Variants in TC2N observed in about 807,000 individuals in gnomAD.
TC2N encodes the protein tandem C2 domains nuclear protein.
In TC2N, 51 loss-of-function variants were observed where a neutral mutation model predicts 61.9. The ratio of observed to expected loss-of-function variants is 0.82; its 90% CI spans 0.66 to 1.04. The LOEUF (loss-of-function observed/expected upper bound fraction) is 1.04, where lower values mean the gene tolerates loss of function less well. TC2N is among the 50% of genes least tolerant of loss of function. The probability of loss-of-function intolerance (pLI) is 0.00; values close to 1 mark genes in which losing one functional copy is unlikely to be tolerated. For missense variants in TC2N, 556 were observed against 566.7 expected (o/e 0.98, Z 0.19); for synonymous variants, 204 against 192.6 (o/e 1.06, Z -0.49).
intron 1 of TC2N, among the ~76,000 whole-genome samples, chr14:91,819,198 T>C (rs1397505922): frequency 6.6e-6 from 1 of 152,068 alleles, no homozygotes; most frequent in Non-Finnish European, 1.5e-5. Flanking sequence ...AGCATGGTGG[T>C]GTGTGCTTGT....
intron 1 of TC2N, among the ~76,000 whole-genome samples, chr14:91,823,477 G>A (rs1272453274): frequency 2.7e-5 from 4 of 150,236 alleles, no homozygotes; most frequent in South Asian, 2.1e-4. Flanking sequence ...CCGAGATCAC[G>A]CCATTGCACT....
chr14:91,853,952 G>A (rs1049172730), intron 1 of TC2N, among the ~76,000 whole-genome samples: 7 of 151,732 alleles, frequency 4.6e-5, no homozygotes, highest in African/African-American at 7.3e-5. Flanking sequence ...CAAAATATTC[G>A]TGTAACCTAG....
chr14:91,859,859 G>A (rs1888556359), intron 1 of TC2N, among the ~76,000 whole-genome samples: 1 of 152,202 alleles, frequency 6.6e-6, no homozygotes, highest in South Asian at 2.1e-4. Context: ...GAGTACATAA[G>A]CCATTCTGGT....
chr14:91,825,026 C>CTTT (rs5810554), intron 1 of TC2N, among the ~76,000 whole-genome samples: 1 of 66,858 alleles, frequency 1.5e-5, no homozygotes, highest in African/African-American at 6.1e-5. Context: ...TTTTTCTTTT[C>CTTT]TTTTTTTTTT....
chr14:91,806,030 T>C (rs539117526), intron 3 of TC2N, among the ~76,000 whole-genome samples: 8 of 152,272 alleles, frequency 5.3e-5, no homozygotes, highest in Admixed American at 3.3e-4. Context: ...CAGACTGTAC[T>C]TGTGGTAGTG....
Position 91,825,544 on chromosome 14 carries a change from T to C in TC2N, c.-56-11719A>G, listed in dbSNP as rs78196484. 3.5e-3 allele frequency among the ~76,000 whole-genome samples: 538 copies of C among 152,266 alleles called. 2 individuals are homozygous for C. Among genetic ancestry groups the C allele is most frequent in the African/African-American group, 0.012 (497 of 41,546 alleles). Reference sequence around the variant, plus strand: ...ATAAAATTTATTCTGCTAAATACAATATGTGACCCTTCTCTTGCTCATCTT... The same window carrying C: ...ATAAAATTTATTCTGCTAAATACAACATGTGACCCTTCTCTTGCTCATCTT... On this transcript the variant is annotated intron_variant, in intron 1 of 11. Transcript: ENST00000435962.
At chr14:91,863,420 G>C (rs1262124873) in intron 1 of TC2N, among the ~76,000 whole-genome samples, 2 of 152,172 alleles carry the variant, frequency 1.3e-5, no homozygotes, top group African/African-American at 4.8e-5. Flanking sequence ...TATAAGCAAG[G>C]GTTTCTAAAG....
chr14:91,786,644 C>T lies in TC2N; in HGVS notation c.1162+869G>A, dbSNP rs954790297. On this transcript the variant is annotated intron_variant, in intron 10 of 11. Coordinates refer to ENST00000435962, the MANE Select transcript of TC2N (RefSeq NM_001128596.3). Reference sequence around the variant, plus strand: ...ATTTTACATAGATACCCAAATAAATCGGTATAGCTATATATGGTATTGCTT... The same window carrying T: ...ATTTTACATAGATACCCAAATAAATTGGTATAGCTATATATGGTATTGCTT... Among the ~76,000 whole-genome samples, 11 of 152,216 alleles carry T rather than the reference C, an allele frequency of 7.2e-5. 1 individual carries two copies. The highest frequency in any genetic ancestry group is 3.3e-4 in the Admixed American group (5 of 15,286).
chr14:91,781,054 T>C lies in TC2N; in HGVS notation c.*2046A>G, dbSNP rs1056859931. 6.6e-6 allele frequency: 1 copy of C among 152,042 alleles called. No homozygotes were observed. Among genetic ancestry groups the C allele is most frequent in the Admixed American group, 6.5e-5 (1 of 15,272 alleles). The allele number at this position is 152,042 out of a possible 1,614,324, so 9.4% of individuals were successfully genotyped here. ...CCTTAAATTATACATCATACATACATTGTAAGAATATAGAAAATTAAATAA... is the reference window on the plus strand; with the variant it reads ...CCTTAAATTATACATCATACATACACTGTAAGAATATAGAAAATTAAATAA... On this transcript the variant is annotated 3_prime_UTR_variant, in exon 12 of 12. Transcript: ENST00000435962.
At chr14:91,791,600 A>G (rs1445790881) in intron 9 of TC2N, among the ~76,000 whole-genome samples, 2 of 152,150 alleles carry the variant, frequency 1.3e-5, no homozygotes, top group East Asian at 3.8e-4. Flanking sequence ...GAAAAAAAAA[A>G]TCAGCTGTAA....
At chr14:91,799,716 C>T (rs113602581) in intron 5 of TC2N, among the ~76,000 whole-genome samples, 6 of 152,116 alleles carry the variant, frequency 3.9e-5, no homozygotes, top group African/African-American at 1.4e-4. Flanking sequence ...CATGAGTACA[C>T]ATAACAATAT....
chr14:91,856,331 A>C (rs1888482291), intron 1 of TC2N, among the ~76,000 whole-genome samples: 1 of 152,250 alleles, frequency 6.6e-6, no homozygotes, highest in Admixed American at 6.5e-5. Flanking sequence ...TTTACTAAAA[A>C]ATACAGAAAG....
chr14:91,822,759 G>C (rs566336150), intron 1 of TC2N, among the ~76,000 whole-genome samples: 1 of 145,838 alleles, frequency 6.9e-6, no homozygotes, highest in East Asian at 2.0e-4. Flanking sequence ...CTGTCGCCCA[G>C]GCTGGAGTGC....
At chr14:91,847,689 G>A (rs1411454465) in intron 1 of TC2N, among the ~76,000 whole-genome samples, 1 of 152,220 alleles carries the variant, frequency 6.6e-6, no homozygotes, top group Non-Finnish European at 1.5e-5. Context: ...CCCTTGTGGA[G>A]CAGATATAAG....
At chr14:91,844,911 A>C (rs1235159901) in intron 1 of TC2N, among the ~76,000 whole-genome samples, 1 of 152,120 alleles carries the variant, frequency 6.6e-6, no homozygotes, top group Non-Finnish European at 1.5e-5. Context: ...CTACGTGCCA[A>C]ACACTGTGTT....
chr14:91,789,252 T>C (rs1283138679), intron 9 of TC2N, among the ~76,000 whole-genome samples: 1 of 151,748 alleles, frequency 6.6e-6, no homozygotes, highest in Non-Finnish European at 1.5e-5. Context: ...ATTTCACAAA[T>C]TCAATTCATG....
At position 91,802,348 on chromosome 14, in the gene TC2N, A is replaced by C; in HGVS notation, c.375T>G (p.Asp125Glu). Reference protein sequence around the residue: ...SSSSQHGPSYDVYNPFYMYQH... With the variant: ...SSSSQHGPSYEVYNPFYMYQH... ...GATACATATAGAATGGGTTATACAC[A>C]TCATAGCTAGGTCCGTGCTGGGATG... The change falls in exon 4 of 12, where the codon GAT becomes GAG. Residue 125 changes from aspartate to glutamate, a missense_variant. Coordinates refer to ENST00000435962, the MANE Select transcript of TC2N (RefSeq NM_001128596.3). The C allele has an allele frequency of 6.2e-7, 1 of 1,612,878 alleles. No individual in the cohort carries two copies.
intron 1 of TC2N, among the ~76,000 whole-genome samples, chr14:91,857,456 G>A (rs1888504470): frequency 6.6e-6 from 1 of 152,160 alleles, no homozygotes; most frequent in Non-Finnish European, 1.5e-5. Flanking sequence ...TGGGTATTTG[G>A]AACATTTGAC....
chr14:91,802,271 T>A lies in TC2N; in HGVS notation c.452A>T (p.Lys151Met), dbSNP rs2402073. 32,168 of 1,589,882 alleles carry A rather than the reference T, an allele frequency of 0.02. 391 individuals are homozygous for A. Among genetic ancestry groups the A allele is most frequent in the Middle Eastern group, 0.024 (144 of 6,014 alleles). Residue 151 changes from lysine (K) to methionine (M), a missense_variant, in exon 4 of 12, where the codon AAG becomes ATG. Lys to Met is a moderately conservative substitution (Grantham distance 95, BLOSUM62 -1). Coordinates refer to ENST00000435962, the MANE Select transcript of TC2N (RefSeq NM_001128596.3). ...SRRFPPRSEV[K>M]RLYGSVCDLR... Reference sequence around the variant, plus strand: ...CTTCATACCCGATCCATACAGTCTCTTCACTTCTGAACGGGGAGGAAAGCG... The same window carrying A: ...CTTCATACCCGATCCATACAGTCTCATCACTTCTGAACGGGGAGGAAAGCG...
Sources: allele counts gnomAD v4.1 joint callset (sites outside exome capture counted in the v4.1 genomes callset), GRCh38; gene constraint gnomAD v4.1.1; transcripts MANE v1.5; gene names NCBI Gene and HGNC (gene_info 2026-07-23, HGNC 2026-07-21).